Variants in LRRTM4 observed in about 807,000 individuals in gnomAD.
LRRTM4 encodes leucine rich repeat transmembrane neuronal 4, also known as leucine-rich repeat transmembrane neuronal protein 4.
A neutral mutation model predicts 47.6 loss-of-function variants in LRRTM4; 25 were observed. That is an observed-to-expected ratio of 0.53 (90% CI 0.38 to 0.73). The LOEUF (loss-of-function observed/expected upper bound fraction) is 0.73, where lower values mean the gene tolerates loss of function less well. Among genes scored for constraint, LRRTM4 ranks in the 30% least tolerant of loss-of-function variants. The pLI is 0.00. For missense variants in LRRTM4, 638 were observed against 713.4 expected, an observed-to-expected ratio of 0.89 and a Z score of 1.20; for synonymous variants, 311 against 269.5, an observed-to-expected ratio of 1.15 and a Z score of -1.51.
chr2:77,340,556 T>C (rs1308889234), intron 3 of LRRTM4, among the ~76,000 whole-genome samples: 1 of 151,978 alleles, frequency 6.6e-6, no homozygotes, highest in South Asian at 2.1e-4. Flanking sequence ...AAATGGATTG[T>C]TGACCTTTAA....
At chr2:77,101,834 A>C (rs1346720955) in intron 3 of LRRTM4, among the ~76,000 whole-genome samples, 1 of 152,306 alleles carries the variant, frequency 6.6e-6, no homozygotes, top group East Asian at 1.9e-4. Context: ...TAATATTTTC[A>C]GTTTGTTTAA....
intron 3 of LRRTM4, among the ~76,000 whole-genome samples, chr2:77,465,562 G>A (rs532895661): frequency 9.9e-5 from 15 of 152,204 alleles, no homozygotes; most frequent in South Asian, 2.1e-4. Flanking sequence ...GTTGCTCTAC[G>A]GTTGTTATTC....
intron 3 of LRRTM4, among the ~76,000 whole-genome samples, chr2:77,118,387 A>G (rs1158720725): frequency 6.6e-6 from 1 of 151,930 alleles, no homozygotes; most frequent in Non-Finnish European, 1.5e-5. Flanking sequence ...CATTATTAGC[A>G]TCAGTGCAGC....
At chr2:77,493,950 G>A (rs13029065) in intron 3 of LRRTM4, among the ~76,000 whole-genome samples, 33,474 of 151,936 alleles carry the variant, frequency 0.22, 3,954 homozygotes, top group Middle Eastern at 0.31. Flanking sequence ...CAGCCATATC[G>A]TACCACGCTT....
intron 3 of LRRTM4, among the ~76,000 whole-genome samples, chr2:76,897,007 A>G (rs1372717197): frequency 6.6e-6 from 1 of 151,966 alleles, no homozygotes; most frequent in African/African-American, 2.4e-5. Context: ...GAATGAGAAT[A>G]TTCTGATGAG....
chr2:77,383,277 G>A (rs1558717776), intron 3 of LRRTM4, among the ~76,000 whole-genome samples: 1 of 151,876 alleles, frequency 6.6e-6, no homozygotes, highest in East Asian at 1.9e-4. Context: ...CTTGACCTCT[G>A]CTCTGTTTCA....
chr2:77,168,650 A>T (rs147154783), intron 3 of LRRTM4, among the ~76,000 whole-genome samples: 1 of 152,134 alleles, frequency 6.6e-6, no homozygotes, highest in East Asian at 1.9e-4. Context: ...ATAAGAACTT[A>T]TTACTTCCAA....
intron 3 of LRRTM4, among the ~76,000 whole-genome samples, chr2:76,939,306 C>T (rs9973564): frequency 0.23 from 35,203 of 152,030 alleles, 4,938 homozygotes; most frequent in African/African-American, 0.39. Context: ...GCATGAAGTG[C>T]CATAAGCTAC....
At chr2:77,120,180 T>C (rs574484089) in intron 3 of LRRTM4, among the ~76,000 whole-genome samples, 44 of 151,938 alleles carry the variant, frequency 2.9e-4, no homozygotes, top group Non-Finnish European at 5.2e-4. Flanking sequence ...TCAGTCCAGA[T>C]TGATTTCACA....
At chr2:77,247,048 T>G (rs1205887035) in intron 3 of LRRTM4, among the ~76,000 whole-genome samples, 9 of 152,088 alleles carry the variant, frequency 5.9e-5, no homozygotes, top group Admixed American at 4.6e-4. Flanking sequence ...TTTTCACCTC[T>G]GTGATCTATG....
intron 3 of LRRTM4, among the ~76,000 whole-genome samples, chr2:77,059,583 T>C (rs1238103757): frequency 6.6e-6 from 1 of 152,148 alleles, no homozygotes; most frequent in Non-Finnish European, 1.5e-5. Flanking sequence ...ACTCAATAAT[T>C]TTGTTTTCTT....
At chr2:76,800,522 C>G (rs1675608787) in intron 3 of LRRTM4, among the ~76,000 whole-genome samples, 1 of 147,652 alleles carries the variant, frequency 6.8e-6, no homozygotes, top group East Asian at 2.0e-4. Flanking sequence ...CTAGGCATTA[C>G]CATTTAGGAC....
chr2:76,998,318 A>T (rs1677277270), intron 3 of LRRTM4, among the ~76,000 whole-genome samples: 1 of 152,032 alleles, frequency 6.6e-6, no homozygotes, highest in Admixed American at 6.6e-5. Flanking sequence ...GGGTTACATC[A>T]CCAGTCTAAC....
chr2:76,818,995 G>A (rs571119015), intron 3 of LRRTM4, among the ~76,000 whole-genome samples: 27 of 151,666 alleles, frequency 1.8e-4, no homozygotes, highest in African/African-American at 5.6e-4. Context: ...AATAATTGTC[G>A]ACATGGTATG....
chr2:76,915,893 T>C (rs1674226665), intron 3 of LRRTM4, among the ~76,000 whole-genome samples: 3 of 152,086 alleles, frequency 2.0e-5, no homozygotes, highest in African/African-American at 7.2e-5. Flanking sequence ...TAATAAGTAA[T>C]AAACTTTGTG....
intron 3 of LRRTM4, among the ~76,000 whole-genome samples, chr2:77,340,119 G>T (rs956348772): frequency 1.3e-4 from 19 of 151,886 alleles, no homozygotes; most frequent in African/African-American, 4.6e-4. Context: ...AGGAAAGATT[G>T]CATGGAGTAA....
In LRRTM4 at chr2:76,875,929, A is replaced by G. The variant is rs187585075; in HGVS notation, c.1552-127013T>C. 2.0e-4 allele frequency among the ~76,000 whole-genome samples: 31 copies of G among 152,268 alleles called. No homozygotes were observed. In the East Asian group the frequency reaches 6.0e-3, roughly 29 times the overall value. Reference sequence around the variant, plus strand: ...ATGTGTCTTCCATAGAGAAGCACCAATATGGGAACACCTACTGAGAGAGAG... The same window carrying G: ...ATGTGTCTTCCATAGAGAAGCACCAGTATGGGAACACCTACTGAGAGAGAG... On this transcript the variant is annotated intron_variant, in intron 3 of 3. Transcript: ENST00000409884.
intron 3 of LRRTM4, among the ~76,000 whole-genome samples, chr2:77,414,204 C>T (rs370390063): frequency 6.6e-6 from 1 of 151,370 alleles, no homozygotes; most frequent in South Asian, 2.1e-4. Flanking sequence ...TTTTTTTTAA[C>T]CTTCCTTTCA....
chr2:77,423,213 T>G (rs1385424541), intron 3 of LRRTM4, among the ~76,000 whole-genome samples: 1 of 152,202 alleles, frequency 6.6e-6, no homozygotes, highest in African/African-American at 2.4e-5. Context: ...TTTTTTCTAC[T>G]TTTCAGTGTT....
Sources: allele counts gnomAD v4.1 joint callset (sites outside exome capture counted in the v4.1 genomes callset), GRCh38; gene constraint gnomAD v4.1.1; transcripts MANE v1.5; gene names NCBI Gene and HGNC (gene_info 2026-07-23, HGNC 2026-07-21).